Variants in HTRA1 observed in about 807,000 individuals in gnomAD.
HTRA1 encodes the protein serine protease HTRA1.
A neutral mutation model predicts 49.7 loss-of-function variants in HTRA1; 26 were observed. That is an observed-to-expected ratio of 0.52 (90% CI 0.38 to 0.73). The LOEUF is 0.73. Among genes scored for constraint, HTRA1 ranks in the 30% least tolerant of loss-of-function variants. The pLI is 0.00. For missense variants in HTRA1, 561 were observed against 667.2 expected (o/e 0.84, Z 1.75); for synonymous variants, 291 against 286.9 (o/e 1.01, Z -0.14).
chr10:122,508,810 G>C, intron 6 of HTRA1, 40 bp downstream of exon 6: 2 of 1,227,472 alleles, frequency 1.6e-6, no homozygotes, highest in Non-Finnish European at 2.4e-6. Context: ...TCCGGAGATG[G>C]GGCCTGAAGC....
At chr10:122,485,646 CT>C (rs1339671992) in intron 1 of HTRA1, among the ~76,000 whole-genome samples, 8 of 152,186 alleles carry the variant, frequency 5.3e-5, no homozygotes, top group African/African-American at 1.9e-4. Context: ...TGGGAAGACC[CT>C]GGAACCACTT....
In HTRA1 at chr10:122,494,373, G is replaced by C. The variant is rs1419954921; in HGVS notation, c.777+4747G>C. On this transcript the variant is annotated intron_variant, in intron 3 of 8. Transcript: ENST00000368984. The surrounding 1 kb of genome is among the most constrained non-coding windows in gnomAD (Gnocchi z 4.0). The stretch of plus-strand genomic sequence containing the variant: ...GGAAGGCACCCGGGGCTCCTGCATC[G>C]AGCTTCCCTCCTATATTCAATGAGG... Among the ~76,000 whole-genome samples, 2 of 152,154 alleles carry C rather than the reference G, an allele frequency of 1.3e-5. No individual in the cohort carries two copies. The highest frequency in any genetic ancestry group is 2.4e-5 in the African/African-American group (1 of 41,448).
rs1408585573 is a variant in HTRA1 at position 122,464,295 on chromosome 10, T to G, written c.472+2171T>G. On this transcript the variant is annotated intron_variant, in intron 1 of 8. Transcript: ENST00000368984. This position sits in a 1 kb window ranked among gnomAD's most constrained non-coding sequence, Gnocchi z 4.8. ...TTTTGGAGTTGGCTGAGTCCCTGTG[T>G]GGAGGAAAACAGGTCCCCCATTGGC... is the stretch of plus-strand genomic sequence containing the variant. Among the ~76,000 whole-genome samples, 1 of 152,082 alleles carries G rather than the reference T, an allele frequency of 6.6e-6. No individual in the cohort carries two copies. Among genetic ancestry groups the G allele is most frequent in the Non-Finnish European group, 1.5e-5 (1 of 68,006 alleles).
intron 1 of HTRA1, among the ~76,000 whole-genome samples, chr10:122,465,109 A>G (rs1047996583): frequency 6.6e-6 from 1 of 152,118 alleles, no homozygotes; most frequent in African/African-American, 2.4e-5. Context: ...ATTCAAAGGA[A>G]AGCACTTTCA....
chr10:122,462,886 C>G (rs1212148343), intron 1 of HTRA1, among the ~76,000 whole-genome samples: 4 of 152,240 alleles, frequency 2.6e-5, no homozygotes, highest in East Asian at 1.9e-4. Flanking sequence ...TTCCTACAGC[C>G]GCACACAGGA....
intron 3 of HTRA1, among the ~76,000 whole-genome samples, chr10:122,491,568 G>A (rs530247548): frequency 6.6e-6 from 1 of 152,350 alleles, no homozygotes; most frequent in African/African-American, 2.4e-5. Context: ...TGGAATGCGT[G>A]GGCACATACC....
Position 122,466,369 on chromosome 10 carries a change from G to A in HTRA1, c.472+4245G>A, listed in dbSNP as rs564732028. On this transcript the variant is annotated intron_variant, in intron 1 of 8. Transcript: ENST00000368984. ...TTTTTGGTAGAGACGGGGTTTCACCGTGTTAGCCAGGATGGTCTCCATCTC... is the reference window on the plus strand; with the variant it reads ...TTTTTGGTAGAGACGGGGTTTCACCATGTTAGCCAGGATGGTCTCCATCTC... Among the ~76,000 whole-genome samples the A allele has an allele frequency of 5.9e-5, 9 of 152,228 alleles. No homozygotes were observed. The South Asian group carries it at 6.2e-4, about 11-fold the overall frequency.
chr10:122,500,446 G>C (rs984288901), intron 3 of HTRA1, among the ~76,000 whole-genome samples: 1 of 152,176 alleles, frequency 6.6e-6, no homozygotes, highest in Admixed American at 6.5e-5. Flanking sequence ...GGAGATCACT[G>C]GGCTCAACTC....
Position 122,462,128 on chromosome 10 carries a change from C to T in HTRA1, c.472+4C>T, listed in dbSNP as rs1413534568. ...CAGCGCGGAGCCTGCGGCCAAGGTA[C>T]TCCGCCGCGCTCCTGGGCAGCTCCC... On this transcript the variant is annotated splice_donor_region_variant and intron_variant, in intron 1 of 8. Coordinates refer to ENST00000368984, the MANE Select transcript of HTRA1 (RefSeq NM_002775.5). 1.3e-6 allele frequency: 2 copies of T among 1,529,482 alleles called. No individual in the cohort carries two copies. Among genetic ancestry groups the T allele is most frequent in the Non-Finnish European group, 1.8e-6 (2 of 1,142,530 alleles). 94.7% of individuals were successfully genotyped at this position (1,529,482 alleles called of 1,614,324 possible).
chr10:122,504,878 C>T (rs555022969), intron 3 of HTRA1, among the ~76,000 whole-genome samples: 7 of 152,362 alleles, frequency 4.6e-5, no homozygotes, highest in African/African-American at 9.6e-5. Context: ...TGCACCTCCC[C>T]GCAGCTGCCC....
At chr10:122,501,314 AC>A (rs1213323948) in intron 3 of HTRA1, among the ~76,000 whole-genome samples, 14 of 152,192 alleles carry the variant, frequency 9.2e-5, no homozygotes, top group African/African-American at 3.4e-4. Flanking sequence ...AACTGCTGTG[AC>A]CATTGCTTTC....
At chr10:122,468,760 C>T (rs1033751549) in intron 1 of HTRA1, among the ~76,000 whole-genome samples, 2 of 152,144 alleles carry the variant, frequency 1.3e-5, no homozygotes, top group East Asian at 1.9e-4. Flanking sequence ...GATGTCATCT[C>T]GTTAACTCTC....
rs34977432 is a variant in HTRA1 at position 122,478,392 on chromosome 10, A to ATTTTTTTT, written c.473-10499_473-10492dup. Among the ~76,000 whole-genome samples the ATTTTTTTT allele has an allele frequency of 7.6e-5, 9 of 119,084 alleles. 1 individual carries two copies. Among genetic ancestry groups the ATTTTTTTT allele is most frequent in the East Asian group, 5.1e-4 (2 of 3,946 alleles). The allele number at this position is 119,084 out of a possible 152,430, so 78.1% of individuals were successfully genotyped here. Reference sequence around the variant, plus strand: ...GCTCCTGGGCTCCTGAGTTTGACAGATTTTTTTTTTTTTTTTTTGAGACGG... The same window carrying ATTTTTTTT: ...GCTCCTGGGCTCCTGAGTTTGACAGATTTTTTTTTTTTTTTTTTTTTTTTTTGAGACGG... On this transcript the variant is annotated intron_variant, in intron 1 of 8. Transcript: ENST00000368984.
intron 3 of HTRA1, among the ~76,000 whole-genome samples, chr10:122,496,366 T>C (rs1435445260): frequency 6.6e-6 from 1 of 151,540 alleles, no homozygotes; most frequent in East Asian, 1.9e-4. Context: ...CCAAGCTATT[T>C]GGCAATTATC....
In HTRA1 at chr10:122,506,071, G is replaced by C. The variant is rs112635752; in HGVS notation, c.778-620G>C. Among the ~76,000 whole-genome samples, 2 of 152,372 alleles carry C rather than the reference G, an allele frequency of 1.3e-5. No homozygotes were observed. Among genetic ancestry groups the C allele is most frequent in the African/African-American group, 2.4e-5 (1 of 41,594 alleles). On this transcript the variant is annotated intron_variant, in intron 3 of 8. Coordinates refer to ENST00000368984, the MANE Select transcript of HTRA1 (RefSeq NM_002775.5). The surrounding 1 kb of genome is among the most constrained non-coding windows in gnomAD (Gnocchi z 5.2). ...TGGCTGACAGAGGGCCGTTTCAGGA[G>C]AGGAGAGACAGCCTACCTATTCGGT...
At chr10:122,491,256 C>T (rs2097495645) in intron 3 of HTRA1, among the ~76,000 whole-genome samples, 1 of 152,230 alleles carries the variant, frequency 6.6e-6, no homozygotes, top group Non-Finnish European at 1.5e-5. Flanking sequence ...ACCCTGCCCT[C>T]CTAAGGCAGC....
intron 3 of HTRA1, among the ~76,000 whole-genome samples, chr10:122,505,594 G>A (rs2097502706): frequency 6.6e-6 from 1 of 152,092 alleles, no homozygotes; most frequent in African/African-American, 2.4e-5. Flanking sequence ...TCCATCCCTG[G>A]TGGAGGAGAT....
intron 1 of HTRA1, among the ~76,000 whole-genome samples, chr10:122,463,059 A>G (rs2097482258): frequency 6.6e-6 from 1 of 152,246 alleles, no homozygotes; most frequent in Admixed American, 6.5e-5. Context: ...CGTTGTAGGA[A>G]CCAGACAGCG....
chr10:122,476,095 C>T (rs575267737), intron 1 of HTRA1, among the ~76,000 whole-genome samples: 3 of 152,342 alleles, frequency 2.0e-5, no homozygotes, highest in Admixed American at 6.5e-5. Flanking sequence ...CGCTTCATGC[C>T]TCACTGGCCA....
Sources: allele counts gnomAD v4.1 joint callset (sites outside exome capture counted in the v4.1 genomes callset), GRCh38; gene constraint gnomAD v4.1.1; non-coding constraint Gnocchi (gnomAD v3.1); transcripts MANE v1.5; gene names NCBI Gene and HGNC (gene_info 2026-07-23, HGNC 2026-07-21).